JMJD1C: variants seen among roughly 807,000 people sequenced by gnomAD.
JMJD1C encodes jumonji domain-containing protein 1C.
In JMJD1C, 31 loss-of-function variants were observed where a neutral mutation model predicts 245.3. The ratio of observed to expected loss-of-function variants is 0.13; its 90% CI spans 0.09 to 0.17. The LOEUF is 0.17. Ranked by LOEUF, JMJD1C falls within the 10% of genes least tolerant of loss-of-function variation. The pLI is 1.00. For missense variants in JMJD1C, 2,691 were observed against 3,000.2 expected, an observed-to-expected ratio of 0.90 and a Z score of 2.41; for synonymous variants, 1,057 against 1,017.4, an observed-to-expected ratio of 1.04 and a Z score of -0.74.
chr10:63,287,436 GACATTAGAA>G (rs1858121485), intron 2 of JMJD1C, among the ~76,000 whole-genome samples: 1 of 152,130 alleles, frequency 6.6e-6, no homozygotes, highest in South Asian at 2.1e-4. Flanking sequence ...CATTCAGAAA[GACATTAGAA>G]ACATTAGAAA....
chr10:63,440,339 A>AG (rs1951297772), intron 1 of JMJD1C, among the ~76,000 whole-genome samples: 1 of 81,896 alleles, frequency 1.2e-5, no homozygotes, highest in Non-Finnish European at 2.6e-5. Flanking sequence ...CTGTCTCAAA[A>AG]GAAAAAAAAA....
At chr10:63,484,639 CTT>C (rs999406388) in intron 1 of JMJD1C, among the ~76,000 whole-genome samples, 1 of 151,514 alleles carries the variant, frequency 6.6e-6, no homozygotes, top group African/African-American at 2.4e-5. Flanking sequence ...TTTACTGTCT[CTT>C]AACTTAAAAA....
intron 2 of JMJD1C, among the ~76,000 whole-genome samples, chr10:63,294,434 T>C (rs752932149): frequency 2.0e-5 from 3 of 152,010 alleles, no homozygotes; most frequent in Non-Finnish European, 4.4e-5. Flanking sequence ...TACAGGTGTG[T>C]GCCGCCACAC....
chr10:63,357,826 G>GACACACACAC (rs35073293), intron 2 of JMJD1C, among the ~76,000 whole-genome samples: 1,878 of 140,486 alleles, frequency 0.013, 23 homozygotes, highest in East Asian at 0.043. Context: ...CAGACAGACA[G>GACACACACAC]ACACACACAC....
At chr10:63,283,533 A>AT (rs1429238433) in intron 2 of JMJD1C, among the ~76,000 whole-genome samples, 8 of 151,582 alleles carry the variant, frequency 5.3e-5, no homozygotes, top group Admixed American at 4.6e-4. Context: ...CACCCAGCTA[A>AT]TTTTTTTTAT....
intron 2 of JMJD1C, among the ~76,000 whole-genome samples, chr10:63,348,538 C>CT (rs1944052130): frequency 6.6e-6 from 1 of 152,162 alleles, no homozygotes; most frequent in South Asian, 2.1e-4. Context: ...TGCAGGTCGC[C>CT]TATCTCATGA....
intron 24 of JMJD1C, among the ~76,000 whole-genome samples, chr10:63,175,245 G>A (rs543947027): frequency 6.6e-6 from 1 of 152,248 alleles, no homozygotes; most frequent in African/African-American, 2.4e-5. Flanking sequence ...ATGGTGTATA[G>A]GGTGAATCCC....
At chr10:63,453,935 C>T (rs970386386) in intron 1 of JMJD1C, among the ~76,000 whole-genome samples, 3 of 152,106 alleles carry the variant, frequency 2.0e-5, no homozygotes, top group Non-Finnish European at 4.4e-5. Context: ...GTTGGCCAGG[C>T]TGGTCTTGAA....
intron 1 of JMJD1C, among the ~76,000 whole-genome samples, chr10:63,416,634 A>G (rs1949824084): frequency 1.3e-5 from 2 of 152,196 alleles, no homozygotes; most frequent in South Asian, 2.1e-4. Flanking sequence ...CAATCAATGG[A>G]ATTATACAAT....
At chr10:63,404,802 G>T (rs558004415) in intron 1 of JMJD1C, among the ~76,000 whole-genome samples, 2 of 152,184 alleles carry the variant, frequency 1.3e-5, no homozygotes, top group East Asian at 3.9e-4. Flanking sequence ...TTATAAATAT[G>T]TAACAAAAAT....
At chr10:63,446,785 A>C (rs1431912041) in intron 1 of JMJD1C, among the ~76,000 whole-genome samples, 1 of 152,220 alleles carries the variant, frequency 6.6e-6, no homozygotes, top group Non-Finnish European at 1.5e-5. Context: ...AACCTTGATC[A>C]CTGCAGTTTC....
chr10:63,375,183 C>CTTTTTTTTT (rs67008681), intron 2 of JMJD1C, among the ~76,000 whole-genome samples: 12 of 92,922 alleles, frequency 1.3e-4, no homozygotes, highest in Non-Finnish European at 2.0e-4. Flanking sequence ...TAAAAATTGG[C>CTTTTTTTTT]TTTTTTTTTT....
chr10:63,206,806 A>T lies in JMJD1C; in HGVS notation c.4863T>A (p.Thr1621=). Residue 1621 remains threonine, a synonymous_variant, in exon 10 of 26, where the codon ACT becomes ACA. Transcript: ENST00000399262. ...DKVNRRKAKR[T]YESGSESGDS... is the part of the protein sequence containing the mutation. The stretch of plus-strand genomic sequence containing the variant: ...CTCCACTTTCAGAGCCAGATTCATA[A>T]GTTCTTTTGGCTTTTCTCCTGTTGA... 1 of 1,603,072 alleles carries T rather than the reference A, an allele frequency of 6.2e-7. No individual in the cohort carries two copies. The highest frequency in any genetic ancestry group is 8.5e-7 in the Non-Finnish European group (1 of 1,177,078).
At chr10:63,465,359 C>T (rs2133120316) in intron 1 of JMJD1C, 136 bp downstream of exon 1, 2 of 915,160 alleles carry the variant, frequency 2.2e-6, no homozygotes, top group South Asian at 1.7e-5. Flanking sequence ...CGGGCAAACG[C>T]GCCAAGGGTT....
rs1272632631 is a variant in JMJD1C at position 63,446,595 on chromosome 10, A to G, written c.168+18900T>C. 2.6e-5 allele frequency among the ~76,000 whole-genome samples: 4 copies of G among 152,246 alleles called. No individual in the cohort carries two copies. The East Asian group carries it at 7.7e-4, about 29-fold the overall frequency. Reference sequence around the variant, plus strand: ...ATTGTAGATATGAGGAAAACCTTCCAAGGAGAGGCAAGAAAGACAGATACG... The same window carrying G: ...ATTGTAGATATGAGGAAAACCTTCCGAGGAGAGGCAAGAAAGACAGATACG... On this transcript the variant is annotated intron_variant, in intron 1 of 25. Transcript: ENST00000399262.
chr10:63,342,908 G>A (rs1943499810), intron 2 of JMJD1C, among the ~76,000 whole-genome samples: 1 of 152,020 alleles, frequency 6.6e-6, no homozygotes, highest in South Asian at 2.1e-4. Flanking sequence ...TGTATATAAG[G>A]TGTATACAAA....
rs148525875 is a variant in JMJD1C, at chr10:63,352,403, C to T, written c.333+27915G>A. Among the ~76,000 whole-genome samples the T allele has an allele frequency of 2.8e-3, 419 of 152,054 alleles. 13 individuals carry two copies. In the East Asian group the frequency reaches 0.064, roughly 23 times the overall value. Reference sequence around the variant, plus strand: ...CTGTAATCTCACCCCTTTGGGAGGCCGAGGCAGGTGGATCACTTGAGGCCA... The same window carrying T: ...CTGTAATCTCACCCCTTTGGGAGGCTGAGGCAGGTGGATCACTTGAGGCCA... On this transcript the variant is annotated intron_variant, in intron 2 of 25. Coordinates refer to ENST00000399262, the MANE Select transcript of JMJD1C (RefSeq NM_032776.3).
At chr10:63,272,759 A>G (rs1856451585) in intron 2 of JMJD1C, among the ~76,000 whole-genome samples, 1 of 152,240 alleles carries the variant, frequency 6.6e-6, no homozygotes, top group Admixed American at 6.5e-5. Flanking sequence ...AATTTTAAGT[A>G]CTTTAGTACA....
intron 2 of JMJD1C, among the ~76,000 whole-genome samples, chr10:63,345,297 G>A (rs1943712231): frequency 6.6e-6 from 1 of 152,042 alleles, no homozygotes; most frequent in Non-Finnish European, 1.5e-5. Flanking sequence ...GACCAGCCTG[G>A]CCAACATGGT....
Sources: gnomAD v4.1 joint callset for allele counts (sites outside exome capture counted in the v4.1 genomes callset) on GRCh38, gnomAD v4.1.1 for gene constraint, MANE v1.5 for transcripts, NCBI Gene and HGNC (gene_info 2026-07-23, HGNC 2026-07-21) for gene names.